LRP1: variants seen among roughly 807,000 people sequenced by gnomAD.
LRP1 encodes the protein prolow-density lipoprotein receptor-related protein 1.
In LRP1, 51 loss-of-function variants were observed where a neutral mutation model predicts 541.5. The ratio of observed to expected loss-of-function variants is 0.09; its 90% CI spans 0.08 to 0.12. LRP1 has a LOEUF of 0.12. Ranked by LOEUF, LRP1 falls within the 10% of genes least tolerant of loss-of-function variation. The pLI is 1.00. For missense variants in LRP1, 3,878 were observed against 6,376.2 expected (o/e 0.61, Z 13.34); for synonymous variants, 2,219 against 2,470.8 (o/e 0.90, Z 3.02).
rs1334974015 is a variant in LRP1 at position 57,212,836 on chromosome 12, C to T, written c.*281C>T. On this transcript the variant is annotated 3_prime_UTR_variant, in exon 89 of 89. Coordinates refer to ENST00000243077, the MANE Select transcript of LRP1 (RefSeq NM_002332.3). The surrounding 1 kb of genome is among the most constrained non-coding windows in gnomAD (Gnocchi z 5.0). ...CCTCCTACCCTCCCACCAGAACGCA[C>T]CCCACTGGGAGAGCTGGTGGTGCAG... 2 of 382,420 alleles carry T rather than the reference C, an allele frequency of 5.2e-6. No individual in the cohort carries two copies. The highest frequency in any genetic ancestry group is 9.4e-6 in the Non-Finnish European group (2 of 212,058). 23.7% of individuals were successfully genotyped at this position (382,420 alleles called of 1,614,324 possible).
chr12:57,175,502 C>T lies in LRP1; in HGVS notation c.3590C>T (p.Ser1197Leu), dbSNP rs2036025129. 2 of 1,613,908 alleles carry T rather than the reference C, an allele frequency of 1.2e-6. No homozygotes were observed. Among genetic ancestry groups the T allele is most frequent in the Admixed American group, 1.7e-5 (1 of 60,016 alleles). The change falls in exon 23 of 89, where the codon TCA becomes TTA. Residue 1197 changes from serine (S) to leucine (L), a missense_variant. Coordinates refer to ENST00000243077, the MANE Select transcript of LRP1 (RefSeq NM_002332.3). ...LNNGGCSHNCSVAPGEGIVCS... is the reference protein window; with the variant it reads ...LNNGGCSHNCLVAPGEGIVCS... ...AACGGTGGCTGCAGCCACAACTGCT[C>T]AGTGGCACCTGGCGAAGGCATTGTG...
At chr12:57,203,122 C>A in intron 68 of LRP1, 59 bp from the exon 69 acceptor site, 1 of 1,247,752 alleles carries the variant, frequency 8.0e-7, no homozygotes, top group Non-Finnish European at 1.1e-6. Context: ...TGTGGCACTA[C>A]TGAGGCCTGG....
At chr12:57,161,276 T>A (rs2035728414) in intron 13 of LRP1, among the ~76,000 whole-genome samples, 161 bp downstream of exon 13, 1 of 152,230 alleles carries the variant, frequency 6.6e-6, no homozygotes, top group South Asian at 2.1e-4. Flanking sequence ...TATAGATGTG[T>A]ACATCTGTGA....
chr12:57,191,225 C>A, intron 43 of LRP1, 95 bp from the exon 44 acceptor site: 1 of 1,296,084 alleles, frequency 7.7e-7, no homozygotes, highest in African/African-American at 1.5e-5. Flanking sequence ...GGCCCTCATT[C>A]TGTAGCTGTC....
In LRP1 at chr12:57,185,322, C is replaced by G; in HGVS notation, c.6463+117C>G. 6.9e-7 allele frequency: 1 copy of G among 1,451,436 alleles called. No homozygotes were observed. The highest frequency in any genetic ancestry group is 2.3e-5 in the East Asian group (1 of 43,796). The allele number at this position is 1,451,436 out of a possible 1,614,324, so 89.9% of individuals were successfully genotyped here. On this transcript the variant is annotated intron_variant, in intron 40 of 88. Transcript: ENST00000243077. The surrounding 1 kb of genome is among the most constrained non-coding windows in gnomAD (Gnocchi z 4.9). ...GAGACAAGTTAGACCCATGGGGCAA[C>G]TTCCGATGGCCCGAGAGACCCAGGG...
chr12:57,174,152 G>C (rs548587377), intron 22 of LRP1, among the ~76,000 whole-genome samples, 172 bp downstream of exon 22: 22 of 152,334 alleles, frequency 1.4e-4, no homozygotes, highest in Admixed American at 3.9e-4. Context: ...TCCCCATGGC[G>C]CTGTGCTGAG....
At chr12:57,199,472 C>T in intron 61 of LRP1, 72 bp downstream of exon 61, 9 of 1,503,120 alleles carry the variant, frequency 6.0e-6, no homozygotes, top group Non-Finnish European at 8.2e-6. Context: ...TCCTGCTCAT[C>T]CCTTCTCTAG....
intron 76 of LRP1, 91 bp from the exon 77 acceptor site, chr12:57,207,947 G>A (rs770610009): frequency 4.9e-6 from 7 of 1,419,386 alleles, no homozygotes; most frequent in Non-Finnish European, 5.9e-6. Flanking sequence ...GTGAGCCTGG[G>A]GTGACGTTCC....
At chr12:57,191,846 A>AC in intron 44 of LRP1, among the ~76,000 whole-genome samples, 1 of 9,004 alleles carries the variant, frequency 1.1e-4, no homozygotes, top group Non-Finnish European at 2.1e-4. Context: ...TACCACACAC[A>AC]CACCACACAC....
At chr12:57,170,887 A>G (rs2035932456) in intron 20 of LRP1, among the ~76,000 whole-genome samples, 1 of 152,164 alleles carries the variant, frequency 6.6e-6, no homozygotes, top group Admixed American at 6.5e-5. Context: ...CCCATGGACC[A>G]CTAGATTACA....
chr12:57,151,711 T>C (rs1327527259), intron 6 of LRP1, among the ~76,000 whole-genome samples: 1 of 152,190 alleles, frequency 6.6e-6, no homozygotes, highest in African/African-American at 2.4e-5. Flanking sequence ...AGGTTCCTCC[T>C]CTCCCTTTGA....
chr12:57,205,707 T>C lies in LRP1; in HGVS notation c.11590+30T>C, dbSNP rs1375483888. 1.2e-6 allele frequency: 2 copies of C among 1,604,028 alleles called. No homozygotes were observed. Among genetic ancestry groups the C allele is most frequent in the East Asian group, 2.2e-5 (1 of 44,866 alleles). On this transcript the variant is annotated intron_variant, in intron 75 of 88. Transcript: ENST00000243077. The surrounding 1 kb of genome is among the most constrained non-coding windows in gnomAD (Gnocchi z 4.6). ...CGGAGCCACCAGAGGGCAGAAAGGC[T>C]GGGTGGGGCAGGGCGACCAGGATAT...
Position 57,161,998 on chromosome 12 carries a change from AGTGT to A in LRP1, c.2203-303_2203-300del, listed in dbSNP as rs113233161. Among the ~76,000 whole-genome samples the A allele has an allele frequency of 6.4e-3, 959 of 149,728 alleles. 13 individuals carry two copies. The highest frequency in any genetic ancestry group is 0.021 in the African/African-American group (845 of 40,936). ...GTGTGTGTGTGCGCGCACGCATATG[AGTGT>A]GTGTGTGTGTGTGTGCACGTATGTG... On this transcript the variant is annotated intron_variant, in intron 13 of 88. Coordinates refer to ENST00000243077, the MANE Select transcript of LRP1 (RefSeq NM_002332.3).
In LRP1 at chr12:57,211,185, C is replaced by T; in HGVS notation, c.12926C>T (p.Ser4309Phe). The change falls in exon 84 of 89, where the codon TCT becomes TTT. Residue 4309 changes from serine (S) to phenylalanine (F), a missense_variant. Physicochemically the swap from Ser to Phe is radical, Grantham distance 155. Around this residue, in one of 13 missense-constraint regions of LRP1, gnomAD observed 871 missense variants for 1,212.4 expected, o/e 0.72. Coordinates refer to ENST00000243077, the MANE Select transcript of LRP1 (RefSeq NM_002332.3). The surrounding 1 kb of genome is among the most constrained non-coding windows in gnomAD (Gnocchi z 4.3). ...LGDRCQYRQC[S>F]GYCENFGTCQ... ...CCCTCCCCAACCACAGGGCAGTGCT[C>T]TGGCTACTGTGAGAACTTTGGCACA... 1 of 1,614,206 alleles carries T rather than the reference C, an allele frequency of 6.2e-7. No homozygotes were observed. The highest frequency in any genetic ancestry group is 1.1e-5 in the South Asian group (1 of 91,084).
chr12:57,145,193 T>G, intron 5 of LRP1, 34 bp from the exon 6 acceptor site: 2 of 1,613,788 alleles, frequency 1.2e-6, no homozygotes, highest in Non-Finnish European at 1.7e-6. Flanking sequence ...CCTAGAGCCC[T>G]GGCTGCACGG....
intron 3 of LRP1, 90 bp downstream of exon 3, chr12:57,141,601 G>T: frequency 1.3e-6 from 2 of 1,508,780 alleles, no homozygotes; most frequent in Middle Eastern, 1.7e-4. Flanking sequence ...CTTCAGTGGG[G>T]ATGAGGCCTT....
At chr12:57,193,797 C>G in intron 47 of LRP1, 102 bp from the exon 48 acceptor site, 2 of 1,594,576 alleles carry the variant, frequency 1.3e-6, no homozygotes, top group Admixed American at 1.7e-5. Flanking sequence ...CACTCTGTGA[C>G]AGGCCAGGGC....
chr12:57,183,711 A>AT lies in LRP1; in HGVS notation c.5795-60dup. 1 of 1,601,450 alleles carries AT rather than the reference A, an allele frequency of 6.2e-7. No homozygotes were observed. Among genetic ancestry groups the AT allele is most frequent in the Non-Finnish European group, 8.5e-7 (1 of 1,174,352 alleles). On this transcript the variant is annotated intron_variant, in intron 35 of 88. Transcript: ENST00000243077. The surrounding 1 kb of genome is among the most constrained non-coding windows in gnomAD (Gnocchi z 6.1). ...TCACCTCTGTCTTGAGCCTTGTGAG[A>AT]TTTTGACCCCTCACCTTACCCCTGC...
chr12:57,195,756 G>C lies in LRP1; in HGVS notation c.8536G>C (p.Gly2846Arg). ...VCDHDRDCAD[G>R]SDESPECEYP... The stretch of plus-strand genomic sequence containing the variant: ...TGACCACGACCGTGACTGTGCAGAT[G>C]GCTCTGATGAGTCCCCCGAGTGTGG... Residue 2846 changes from glycine (G) to arginine (R), a missense_variant, in exon 53 of 89, where the codon GGC becomes CGC. Transcript: ENST00000243077. 2 of 1,614,204 alleles carry C rather than the reference G, an allele frequency of 1.2e-6. No individual in the cohort carries two copies. The highest frequency in any genetic ancestry group is 1.7e-6 in the Non-Finnish European group (2 of 1,180,034).
Sources: allele counts gnomAD v4.1 joint callset (sites outside exome capture counted in the v4.1 genomes callset), GRCh38; gene constraint gnomAD v4.1.1; regional missense constraint gnomAD v4.1.1; non-coding constraint Gnocchi (gnomAD v3.1); transcripts MANE v1.5; gene names NCBI Gene and HGNC (gene_info 2026-07-23, HGNC 2026-07-21).